Variants in CLSTN2 observed in about 807,000 individuals in gnomAD.
The protein encoded by CLSTN2 is calsyntenin 2, also known as calsyntenin-2.
A neutral mutation model predicts 101.2 loss-of-function variants in CLSTN2; 48 were observed. The ratio of observed to expected loss-of-function variants is 0.47; its 90% CI spans 0.38 to 0.60. The LOEUF (loss-of-function observed/expected upper bound fraction) is 0.60. Ranked by LOEUF, CLSTN2 falls within the 20% of genes least tolerant of loss-of-function variation. The probability of loss-of-function intolerance (pLI) is 0.00; values close to 1 mark genes in which losing one functional copy is unlikely to be tolerated. For missense variants in CLSTN2, 1,160 were observed against 1,238.2 expected, an observed-to-expected ratio of 0.94 and a Z score of 0.95; for synonymous variants, 481 against 463.6, an observed-to-expected ratio of 1.04 and a Z score of -0.48.
Position 140,273,570 on chromosome 3 carries a change from T to C in CLSTN2, c.232+97497T>C, listed in dbSNP as rs78679299. 8.0e-3 allele frequency among the ~76,000 whole-genome samples: 1,219 copies of C among 152,254 alleles called. 42 individuals are homozygous for C. The highest frequency in any genetic ancestry group is 0.071 in the East Asian group (366 of 5,180). ...TAATAATCAGGTGCAGAGGAACATCTGTATAAGCCATTGTGTGGTTAAGTG... is the reference window on the plus strand; with the variant it reads ...TAATAATCAGGTGCAGAGGAACATCCGTATAAGCCATTGTGTGGTTAAGTG... On this transcript the variant is annotated intron_variant, in intron 2 of 16. Coordinates refer to ENST00000458420, the MANE Select transcript of CLSTN2 (RefSeq NM_022131.3).
chr3:139,998,384 G>T (rs1288180220), intron 1 of CLSTN2, among the ~76,000 whole-genome samples: 1 of 65,776 alleles, frequency 1.5e-5, no homozygotes, highest in Non-Finnish European at 3.3e-5. Context: ...TGTCGCCCAG[G>T]CTGGAGTGCA....
intron 1 of CLSTN2, among the ~76,000 whole-genome samples, chr3:140,159,398 C>T (rs1049268103): frequency 5.6e-4 from 85 of 152,052 alleles, no homozygotes; most frequent in African/African-American, 1.8e-3. Context: ...GATATACAAG[C>T]AACCAACAAT....
At chr3:140,137,743 A>G (rs1463973938) in intron 1 of CLSTN2, among the ~76,000 whole-genome samples, 1 of 152,038 alleles carries the variant, frequency 6.6e-6, no homozygotes, top group Non-Finnish European at 1.5e-5. Context: ...TCCTCACTTA[A>G]TTCTCGCCCA....
intron 1 of CLSTN2, among the ~76,000 whole-genome samples, chr3:140,076,371 C>T (rs2008488855): frequency 6.6e-6 from 1 of 152,136 alleles, no homozygotes; most frequent in South Asian, 2.1e-4. Context: ...TTAAAGCCTC[C>T]CTCCCAGACT....
At position 140,575,015 on chromosome 3, in the gene CLSTN2, C is replaced by T. The variant is rs547066814; in HGVS notation, c.*8762C>T. ...TGCATCCATCCTGGCCAATATAGAA[C>T]ACTCACATCTGGAGCCCACGCCCAC... On this transcript the variant is annotated 3_prime_UTR_variant, in exon 17 of 17. Coordinates refer to ENST00000458420, the MANE Select transcript of CLSTN2 (RefSeq NM_022131.3). The T allele has an allele frequency of 2.4e-4, 36 of 152,368 alleles. No homozygotes were observed. The highest frequency in any genetic ancestry group is 8.2e-4 in the African/African-American group (34 of 41,574). 9.4% of individuals were successfully genotyped at this position (152,368 alleles called of 1,614,324 possible). A position where few individuals can be genotyped will look rare whatever the true frequency, so the allele number is the denominator to read the frequency against.
At chr3:139,985,188 C>T (rs186110113) in intron 1 of CLSTN2, among the ~76,000 whole-genome samples, 52 of 152,320 alleles carry the variant, frequency 3.4e-4, no homozygotes, top group African/African-American at 1.2e-3. Context: ...ATAAGATTAG[C>T]TCACATTCCT....
intron 1 of CLSTN2, among the ~76,000 whole-genome samples, chr3:139,959,797 C>A (rs1935472345): frequency 6.6e-6 from 1 of 152,172 alleles, no homozygotes; most frequent in African/African-American, 2.4e-5. Context: ...CAACTTCTCT[C>A]TGCAGCACAG....
chr3:140,025,513 G>C (rs564790972), intron 1 of CLSTN2, among the ~76,000 whole-genome samples: 1 of 152,104 alleles, frequency 6.6e-6, no homozygotes, highest in African/African-American at 2.4e-5. Context: ...TGAGATTTTG[G>C]TTGTTGTTAT....
intron 2 of CLSTN2, among the ~76,000 whole-genome samples, chr3:140,325,390 G>T (rs893763586): frequency 6.6e-6 from 1 of 152,180 alleles, no homozygotes; most frequent in African/African-American, 2.4e-5. Context: ...ATGATGTGAA[G>T]GTGAATGATA....
At chr3:140,406,781 C>G (rs998446254) in intron 4 of CLSTN2, among the ~76,000 whole-genome samples, 6 of 152,196 alleles carry the variant, frequency 3.9e-5, no homozygotes, top group African/African-American at 1.4e-4. Context: ...CAAGACTAGA[C>G]AAGTGGAGGT....
At chr3:140,216,280 A>G (rs2010920314) in intron 2 of CLSTN2, among the ~76,000 whole-genome samples, 1 of 152,064 alleles carries the variant, frequency 6.6e-6, no homozygotes. Context: ...AACATTGGCG[A>G]CCACGAATTA....
At chr3:140,374,962 A>C (rs1157110946) in intron 2 of CLSTN2, among the ~76,000 whole-genome samples, 1 of 152,258 alleles carries the variant, frequency 6.6e-6, no homozygotes, top group East Asian at 1.9e-4. Context: ...TGCATTTTGC[A>C]GAATTTAAGA....
chr3:140,408,707 G>A (rs993052176), intron 4 of CLSTN2, among the ~76,000 whole-genome samples: 6 of 152,046 alleles, frequency 3.9e-5, no homozygotes, highest in South Asian at 2.1e-4. Context: ...AGCTGCTGCC[G>A]TTGTAGACAC....
intron 2 of CLSTN2, among the ~76,000 whole-genome samples, chr3:140,193,112 G>C (rs1450453235): frequency 1.3e-5 from 2 of 151,706 alleles, no homozygotes; most frequent in Non-Finnish European, 2.9e-5. Context: ...TATATGCTTA[G>C]AGCCGTATCA....
At chr3:140,442,353 A>T (rs544751306) in intron 5 of CLSTN2, among the ~76,000 whole-genome samples, 1 of 152,250 alleles carries the variant, frequency 6.6e-6, no homozygotes, top group African/African-American at 2.4e-5. Context: ...GGAATTATTC[A>T]AACTAGCGAA....
chr3:140,028,973 A>G (rs1471321618), intron 1 of CLSTN2, among the ~76,000 whole-genome samples: 1 of 152,170 alleles, frequency 6.6e-6, no homozygotes, highest in Non-Finnish European at 1.5e-5. Context: ...GACTCCTGCA[A>G]AGTGAATGGT....
At chr3:140,473,404 C>T (rs568012226) in intron 8 of CLSTN2, among the ~76,000 whole-genome samples, 181 of 152,158 alleles carry the variant, frequency 1.2e-3, no homozygotes, top group Non-Finnish European at 1.7e-3. Context: ...AGACGGTGTT[C>T]GCATATGTGA....
At chr3:140,163,230 G>T (rs9862740) in intron 1 of CLSTN2, among the ~76,000 whole-genome samples, 57 of 152,098 alleles carry the variant, frequency 3.7e-4, no homozygotes, top group Non-Finnish European at 2.8e-4. Flanking sequence ...TAACATGGAT[G>T]AGCCTCATCC....
At chr3:140,376,665 C>G (rs558743664) in intron 2 of CLSTN2, among the ~76,000 whole-genome samples, 2 of 152,106 alleles carry the variant, frequency 1.3e-5, no homozygotes, top group Non-Finnish European at 2.9e-5. Context: ...GGAGTTATAT[C>G]CTAAATCCCA....
Sources: gnomAD v4.1 joint callset for allele counts (sites outside exome capture counted in the v4.1 genomes callset) on GRCh38, gnomAD v4.1.1 for gene constraint, MANE v1.5 for transcripts, NCBI Gene and HGNC (gene_info 2026-07-23, HGNC 2026-07-21) for gene names.